Variants in EHBP1 observed in about 807,000 individuals in gnomAD.
The protein encoded by EHBP1 is EH domain binding protein 1.
EHBP1 carries 55 observed loss-of-function variants against 144.0 expected under a neutral mutation model. The ratio of observed to expected loss-of-function variants is 0.38; its 90% confidence interval spans 0.31 to 0.48. The LOEUF (loss-of-function observed/expected upper bound fraction) is 0.48. EHBP1 is among the 20% of genes least tolerant of loss of function. The probability of loss-of-function intolerance (pLI) is 0.98; values close to 1 mark genes in which losing one functional copy is unlikely to be tolerated. For synonymous variants in EHBP1, 469 were observed against 472.7 expected (o/e 0.99, Z 0.10); for missense variants, 1,200 against 1,364.2 (o/e 0.88, Z 1.90).
chr2:62,974,678 A>G (rs1316762852), intron 14 of EHBP1, among the ~76,000 whole-genome samples: 1 of 152,166 alleles, frequency 6.6e-6, no homozygotes, highest in Non-Finnish European at 1.5e-5. Context: ...CACTTTAAAT[A>G]TTTTTGGTAG....
At position 62,974,857 on chromosome 2, in the gene EHBP1, G is replaced by T. The variant is rs529317174; in HGVS notation, c.2461-4331G>T. On this transcript the variant is annotated intron_variant, in intron 14 of 22. Transcript: ENST00000431489. ...CTTGCAACTAAAAGTAGTCTGTGTG[G>T]TGTTACTTAAGCATATGTTCCAGTT... Among the ~76,000 whole-genome samples the T allele has an allele frequency of 2.0e-5, 3 of 152,160 alleles. No homozygotes were observed. The East Asian group carries it at 5.8e-4, about 29-fold the overall frequency.
At chr2:62,869,406 A>G (rs970245444) in intron 9 of EHBP1, among the ~76,000 whole-genome samples, 3 of 152,228 alleles carry the variant, frequency 2.0e-5, no homozygotes, top group East Asian at 1.9e-4. Context: ...CTATCAACAG[A>G]CAAATGGATA....
At chr2:62,759,032 C>G (rs534995671) in intron 3 of EHBP1, among the ~76,000 whole-genome samples, 1 of 152,096 alleles carries the variant, frequency 6.6e-6, no homozygotes, top group Non-Finnish European at 1.5e-5. Context: ...GTACTAGGTA[C>G]ACGTTTTTTA....
chr2:62,960,408 A>G (rs1294579960), intron 14 of EHBP1, among the ~76,000 whole-genome samples: 1 of 152,130 alleles, frequency 6.6e-6, no homozygotes, highest in Non-Finnish European at 1.5e-5. Context: ...TTTCTAGTGA[A>G]ATAGCACTTC....
Position 63,029,450 on chromosome 2 carries a change from C to T in EHBP1, c.3104-8085C>T, listed in dbSNP as rs1016997906. Among the ~76,000 whole-genome samples the T allele has an allele frequency of 8.0e-5, 12 of 150,358 alleles. No individual in the cohort carries two copies. In the East Asian group the frequency reaches 1.4e-3, roughly 17 times the overall value. The stretch of plus-strand genomic sequence containing the variant: ...ATGTCTGTCTCCATACTAGATTATG[C>T]GGCCTTTGAGGGCAGGGACCACATC... On this transcript the variant is annotated intron_variant, in intron 19 of 22. Transcript: ENST00000431489.
intron 19 of EHBP1, among the ~76,000 whole-genome samples, chr2:63,022,862 T>C (rs1190106404): frequency 6.6e-6 from 1 of 152,076 alleles, no homozygotes; most frequent in Non-Finnish European, 1.5e-5. Flanking sequence ...ACCTGTTGAG[T>C]TGATACCTAT....
chr2:63,042,872 T>A (rs1041969084), intron 21 of EHBP1, among the ~76,000 whole-genome samples: 3 of 152,040 alleles, frequency 2.0e-5, no homozygotes, highest in Non-Finnish European at 4.4e-5. Context: ...TTAATTTTTT[T>A]AATATAATTT....
At chr2:62,761,522 G>A (rs562121648) in intron 3 of EHBP1, among the ~76,000 whole-genome samples, 134 of 152,164 alleles carry the variant, frequency 8.8e-4, no homozygotes, top group African/African-American at 3.2e-3. Flanking sequence ...ATCCCTTCTC[G>A]GTTCCTTGGC....
intron 2 of EHBP1, among the ~76,000 whole-genome samples, chr2:62,729,413 A>ATTTATT (rs1201861234): frequency 8.8e-6 from 1 of 113,982 alleles, no homozygotes; most frequent in African/African-American, 3.4e-5. Flanking sequence ...TAAATATAAT[A>ATTTATT]ATAATAATAT....
chr2:62,687,945 G>A (rs2033773699), intron 1 of EHBP1, among the ~76,000 whole-genome samples: 1 of 152,114 alleles, frequency 6.6e-6, no homozygotes, highest in African/African-American at 2.4e-5. Flanking sequence ...TACTGGATAA[G>A]TACATTAACT....
chr2:62,776,132 C>T (rs142884862), intron 5 of EHBP1, among the ~76,000 whole-genome samples: 55 of 152,268 alleles, frequency 3.6e-4, no homozygotes, highest in Middle Eastern at 3.4e-3. Flanking sequence ...CACTAGAATT[C>T]TTAATATTTT....
At chr2:63,020,031 G>T (rs1210300439) in intron 19 of EHBP1, among the ~76,000 whole-genome samples, 1 of 151,254 alleles carries the variant, frequency 6.6e-6, no homozygotes, top group South Asian at 2.1e-4. Context: ...TCTACTAAAA[G>T]TACGAAAATT....
intron 10 of EHBP1, among the ~76,000 whole-genome samples, chr2:62,939,568 C>T (rs2056611459): frequency 2.0e-5 from 3 of 152,056 alleles, no homozygotes; most frequent in Non-Finnish European, 4.4e-5. Context: ...CCGCCACGCT[C>T]GGCCAAATTG....
intron 14 of EHBP1, among the ~76,000 whole-genome samples, chr2:62,965,372 A>G (rs1269106986): frequency 6.6e-6 from 1 of 152,168 alleles, no homozygotes; most frequent in Non-Finnish European, 1.5e-5. Context: ...ATTTTAAACT[A>G]TTCTGCCTGT....
intron 1 of EHBP1, among the ~76,000 whole-genome samples, chr2:62,677,064 C>T (rs563108864): frequency 3.0e-4 from 45 of 151,984 alleles, no homozygotes; most frequent in African/African-American, 8.7e-4. Context: ...TCGCAGTGGT[C>T]GGGGAGGGAC....
intron 2 of EHBP1, among the ~76,000 whole-genome samples, chr2:62,716,009 T>G (rs1476943710): frequency 1.3e-5 from 2 of 152,206 alleles, no homozygotes; most frequent in African/African-American, 4.8e-5. Context: ...CTACACCCTA[T>G]TTTATCACTC....
At chr2:62,938,805 GGA>G (rs1491381595) in intron 10 of EHBP1, among the ~76,000 whole-genome samples, 1 of 146,054 alleles carries the variant, frequency 6.8e-6, no homozygotes, top group African/African-American at 2.5e-5. Context: ...TGTTTGTGGG[GGA>G]AAAAAAAAAG....
chr2:63,004,648 C>T (rs997384165), intron 19 of EHBP1, among the ~76,000 whole-genome samples: 8 of 152,128 alleles, frequency 5.3e-5, no homozygotes, highest in African/African-American at 1.9e-4. Flanking sequence ...CATTTTCAAC[C>T]TAATGAAATT....
In EHBP1 at chr2:62,740,729, G is replaced by A. The variant is rs192018343; in HGVS notation, c.105-6666G>A. 7.2e-5 allele frequency among the ~76,000 whole-genome samples: 11 copies of A among 152,166 alleles called. No homozygotes were observed. The East Asian group carries it at 2.1e-3, about 29-fold the overall frequency. On this transcript the variant is annotated intron_variant, in intron 2 of 22. Coordinates refer to ENST00000431489, the MANE Select transcript of EHBP1 (RefSeq NM_001142616.3). The stretch of plus-strand genomic sequence containing the variant: ...GAGACAAATGTGTTGTACTTTTTGT[G>A]TTCCAAAGACTTACAGTTCCTTATT...
Sources: gnomAD v4.1 joint callset for allele counts (sites outside exome capture counted in the v4.1 genomes callset) on GRCh38, gnomAD v4.1.1 for gene constraint, MANE v1.5 for transcripts, NCBI Gene and HGNC (gene_info 2026-07-23, HGNC 2026-07-21) for gene names.